MED12L: variants seen among roughly 807,000 people sequenced by gnomAD.
MED12L encodes mediator complex subunit 12L, also known as mediator of RNA polymerase II transcription subunit 12-like protein.
Under a neutral mutation model 281.3 loss-of-function variants are expected in MED12L, and 60 were observed. The observed-to-expected ratio is 0.21, with a 90% CI of 0.17 to 0.26. The LOEUF (loss-of-function observed/expected upper bound fraction) is 0.26, where lower values mean the gene tolerates loss of function less well. Among genes scored for constraint, MED12L ranks in the 10% least tolerant of loss-of-function variants. MED12L has a pLI of 1.00. For synonymous variants in MED12L, 974 were observed against 987.2 expected, an observed-to-expected ratio of 0.99 and a Z score of 0.25; for missense variants, 2,146 against 2,680.9, an observed-to-expected ratio of 0.80 and a Z score of 4.41.
At position 151,337,868 on chromosome 3, in the gene MED12L, A is replaced by G. The variant is rs373677050; in HGVS notation, c.2251-12191A>G. ...CACCACCATCCTGTTCTTTTTTCCT[A>G]TTGTCCTGGGACAGAGATGTTGCAG... On this transcript the variant is annotated intron_variant, in intron 16 of 44. Transcript: ENST00000687756. 1.9e-5 allele frequency: 30 copies of G among 1,613,716 alleles called. No individual in the cohort carries two copies. The highest frequency in any genetic ancestry group is 4.5e-5 in the East Asian group (2 of 44,888).
intron 21 of MED12L, among the ~76,000 whole-genome samples, chr3:151,362,235 A>G (rs1264894747): frequency 6.6e-6 from 1 of 152,006 alleles, no homozygotes; most frequent in Non-Finnish European, 1.5e-5. Flanking sequence ...CATCCACTAA[A>G]GTGATCCTTT....
chr3:151,431,908 G>A (rs534872972), intron 44 of MED12L, among the ~76,000 whole-genome samples: 1 of 152,280 alleles, frequency 6.6e-6, no homozygotes, highest in Admixed American at 6.5e-5. Flanking sequence ...ACTGAAGAAC[G>A]GGAACATTGA....
intron 5 of MED12L, among the ~76,000 whole-genome samples, chr3:151,153,647 C>T (rs950123660): frequency 7.0e-6 from 1 of 142,802 alleles, no homozygotes; most frequent in Non-Finnish European, 1.5e-5. Flanking sequence ...CGGCTCACTG[C>T]AACCTCTGCC....
In MED12L at chr3:151,435,298, T is replaced by C. The variant is rs1720020349; in HGVS notation, c.*2494T>C. On this transcript the variant is annotated 3_prime_UTR_variant, in exon 45 of 45. Transcript: ENST00000687756. The stretch of plus-strand genomic sequence containing the variant: ...GATATAAGAAGCCCATAGACTCTCT[T>C]GTTTACACTGTAGGCTTTTTCTTAA... 1 of 152,142 alleles carries C rather than the reference T, an allele frequency of 6.6e-6. No individual in the cohort carries two copies. Among genetic ancestry groups the C allele is most frequent in the South Asian group, 2.1e-4 (1 of 4,828 alleles). The allele number at this position is 152,142 out of a possible 1,614,324, so 9.4% of individuals were successfully genotyped here.
Position 151,321,506 on chromosome 3 carries a change from A to G in MED12L, c.2251-28553A>G, listed in dbSNP as rs766939119. 1.1e-3 allele frequency among the ~76,000 whole-genome samples: 173 copies of G among 152,324 alleles called. 1 individual carries two copies. Among genetic ancestry groups the G allele is most frequent in the Non-Finnish European group, 2.0e-3 (135 of 68,032 alleles). ...GATATAAAGTCAATACATAAAGCTA[A>G]TATTTTTTTTAAAAAACCCAAAGCT... On this transcript the variant is annotated intron_variant, in intron 16 of 44. Transcript: ENST00000687756.
chr3:151,165,370 T>G, intron 9 of MED12L, 50 bp from the exon 10 acceptor site: 1 of 1,446,760 alleles, frequency 6.9e-7, no homozygotes, highest in East Asian at 2.3e-5. Context: ...GATTTAGACA[T>G]GCGCTGTGGC....
At position 151,162,903 on chromosome 3, in the gene MED12L, G is replaced by C. The variant is rs75463646; in HGVS notation, c.1108-990G>C. Among the ~76,000 whole-genome samples the C allele has an allele frequency of 8.3e-3, 1,264 of 152,244 alleles. 22 individuals are homozygous for C. The highest frequency in any genetic ancestry group is 0.029 in the African/African-American group (1,207 of 41,528). ...TTGAGCCTCTGTTTCCCCGTGTCTGGTTGGGGAGTAATGATAGTTCTTACT... is the reference window on the plus strand; with the variant it reads ...TTGAGCCTCTGTTTCCCCGTGTCTGCTTGGGGAGTAATGATAGTTCTTACT... On this transcript the variant is annotated intron_variant, in intron 8 of 44. Coordinates refer to ENST00000687756, the MANE Select transcript of MED12L (RefSeq NM_001393769.1).
chr3:151,321,704 G>A (rs1288660973), intron 16 of MED12L, among the ~76,000 whole-genome samples: 2 of 152,168 alleles, frequency 1.3e-5, no homozygotes, highest in Admixed American at 1.3e-4. Context: ...AGTGGCAAAA[G>A]TTCACATGCT....
chr3:151,209,638 A>G (rs1483972479), intron 16 of MED12L, among the ~76,000 whole-genome samples: 1 of 152,146 alleles, frequency 6.6e-6, no homozygotes, highest in Non-Finnish European at 1.5e-5. Flanking sequence ...GTGATCTGTT[A>G]TATTTGTAAT....
chr3:151,090,171 C>G (rs904602621), intron 2 of MED12L, among the ~76,000 whole-genome samples: 2 of 152,056 alleles, frequency 1.3e-5, no homozygotes, highest in Non-Finnish European at 2.9e-5. Flanking sequence ...GGGTTGGGAC[C>G]CTGGCTGTCC....
chr3:151,418,474 G>A (rs1717877180), intron 43 of MED12L, among the ~76,000 whole-genome samples: 1 of 152,086 alleles, frequency 6.6e-6, no homozygotes, highest in Non-Finnish European at 1.5e-5. Flanking sequence ...TTGTCTTCAT[G>A]AAGTTGACAT....
chr3:151,399,205 G>A (rs1715351901), intron 39 of MED12L, among the ~76,000 whole-genome samples: 1 of 152,196 alleles, frequency 6.6e-6, no homozygotes, highest in Non-Finnish European at 1.5e-5. Flanking sequence ...TGAAGTTAAT[G>A]ATTAAGTATG....
chr3:151,372,388 T>G (rs1189963467), intron 26 of MED12L, among the ~76,000 whole-genome samples, 179 bp from the exon 27 acceptor site: 1 of 152,204 alleles, frequency 6.6e-6, no homozygotes, highest in Non-Finnish European at 1.5e-5. Flanking sequence ...TGTTAGAAAC[T>G]TCTCTGGGTT....
chr3:151,220,136 C>G (rs966545124), intron 16 of MED12L, among the ~76,000 whole-genome samples: 1 of 147,704 alleles, frequency 6.8e-6, no homozygotes, highest in Non-Finnish European at 1.5e-5. Context: ...TGCCAGTAAC[C>G]CACTACCCAA....
rs1411159847 is a variant in MED12L, at chr3:151,303,170, G to A, written c.2251-46889G>A. ...AAAGAATCTGTGGCTGAATGATGCT[G>A]GTGAAAAGGGTTAGAAGATTGTTGG... On this transcript the variant is annotated intron_variant, in intron 16 of 44. Transcript: ENST00000687756. Among the ~76,000 whole-genome samples the A allele has an allele frequency of 5.3e-5, 8 of 152,172 alleles. No individual in the cohort carries two copies. In the South Asian group the frequency reaches 1.2e-3, roughly 24 times the overall value.
chr3:151,175,381 A>G (rs1721921881), intron 11 of MED12L, among the ~76,000 whole-genome samples: 1 of 152,206 alleles, frequency 6.6e-6, no homozygotes. Flanking sequence ...AGCTGTTAAG[A>G]GCTTTATTCA....
At chr3:151,122,687 A>T in intron 3 of MED12L, 96 bp from the exon 4 acceptor site, 1 of 873,612 alleles carries the variant, frequency 1.1e-6, no homozygotes, top group Admixed American at 3.5e-5. Context: ...ATGTATGAAG[A>T]TTTTCAATTG....
intron 39 of MED12L, among the ~76,000 whole-genome samples, chr3:151,405,058 C>G (rs1479171279): frequency 1.3e-5 from 2 of 152,174 alleles, no homozygotes; most frequent in African/African-American, 4.8e-5. Context: ...TCTTTGAGCT[C>G]ACATACTTCT....
At chr3:151,338,759 T>C (rs1287204038) in intron 16 of MED12L, 1 of 1,613,518 alleles carries the variant, frequency 6.2e-7, no homozygotes, top group South Asian at 1.1e-5. Flanking sequence ...TGTAGAGCAG[T>C]GGGAAGAGGA....
Sources: gnomAD v4.1 joint callset for allele counts (sites outside exome capture counted in the v4.1 genomes callset) on GRCh38, gnomAD v4.1.1 for gene constraint, MANE v1.5 for transcripts, NCBI Gene and HGNC (gene_info 2026-07-23, HGNC 2026-07-21) for gene names.